Variants in FAM168A observed in about 807,000 individuals in gnomAD.
FAM168A encodes the protein protein FAM168A.
FAM168A carries 3 observed loss-of-function variants against 28.5 expected under a neutral mutation model. The observed-to-expected ratio is 0.11, with a 90% CI of 0.05 to 0.27. FAM168A has a LOEUF of 0.27. Among genes scored for constraint, FAM168A ranks in the 10% least tolerant of loss-of-function variants. FAM168A has a pLI of 1.00. For synonymous variants in FAM168A, 122 were observed against 124.2 expected (o/e 0.98, Z 0.12); for missense variants, 222 against 311.5 (o/e 0.71, Z 2.16).
At chr11:73,543,622 A>C (rs1943685702) in intron 1 of FAM168A, among the ~76,000 whole-genome samples, 1 of 152,174 alleles carries the variant, frequency 6.6e-6, no homozygotes, top group Non-Finnish European at 1.5e-5. Flanking sequence ...AACAGACTGA[A>C]TATTCTTTGA....
intron 2 of FAM168A, among the ~76,000 whole-genome samples, chr11:73,447,046 A>G (rs1385778447): frequency 6.6e-6 from 1 of 152,086 alleles, no homozygotes; most frequent in Non-Finnish European, 1.5e-5. Context: ...ACAACAACAT[A>G]CAGCTGTTCT....
chr11:73,539,645 C>T (rs1000283861), intron 1 of FAM168A, among the ~76,000 whole-genome samples: 1 of 152,212 alleles, frequency 6.6e-6, no homozygotes, highest in Non-Finnish European at 1.5e-5. Flanking sequence ...TTACCTCTAC[C>T]TGTCCATCAG....
intron 2 of FAM168A, among the ~76,000 whole-genome samples, chr11:73,445,419 CTTTTTTTTTTTTTTTT>C (rs56294455): frequency 7.9e-5 from 4 of 50,434 alleles, no homozygotes; most frequent in Admixed American, 3.2e-4. Context: ...AAAAATGTCT[CTTTTTTTTTTTTTTTT>C]TTTTTTTTTT....
intron 1 of FAM168A, among the ~76,000 whole-genome samples, chr11:73,478,697 T>C (rs1867926442): frequency 6.6e-6 from 1 of 152,176 alleles, no homozygotes; most frequent in Non-Finnish European, 1.5e-5. Context: ...GTCATTTACT[T>C]CAGCACACTC....
At chr11:73,529,806 T>C (rs1170861205) in intron 1 of FAM168A, among the ~76,000 whole-genome samples, 3 of 149,822 alleles carry the variant, frequency 2.0e-5, no homozygotes, top group Non-Finnish European at 3.0e-5. Context: ...CTTTTTTTTT[T>C]TTTTTTGGAG....
At chr11:73,554,754 A>G (rs972130653) in intron 1 of FAM168A, among the ~76,000 whole-genome samples, 3 of 152,264 alleles carry the variant, frequency 2.0e-5, no homozygotes, top group African/African-American at 7.2e-5. Context: ...GCAAGGGTGA[A>G]ATACAATGGG....
At chr11:73,529,248 A>C (rs1031225845) in intron 1 of FAM168A, among the ~76,000 whole-genome samples, 4 of 152,146 alleles carry the variant, frequency 2.6e-5, no homozygotes, top group African/African-American at 9.7e-5. Flanking sequence ...ATAAGCTGGG[A>C]GAAAGGAAGG....
rs746774463 is a variant in FAM168A at position 73,409,605 on chromosome 11, G to A, written c.477C>T (p.Thr159=). ...YAAQPHVIHH[T]TVVQPNSIPS... is the part of the protein sequence containing the mutation. Reference sequence around the variant, plus strand: ...GAATGCTGTTGGGCTGGACGACCGTGGTATGGTGGATGACATGAGGCTGGG... The same window carrying A: ...GAATGCTGTTGGGCTGGACGACCGTAGTATGGTGGATGACATGAGGCTGGG... Residue 159 remains threonine (T), a synonymous_variant, in exon 6 of 8, where the codon ACC becomes ACT. Coordinates refer to ENST00000356467, the MANE Select transcript of FAM168A (RefSeq NM_015159.3). 2 of 1,613,862 alleles carry A rather than the reference G, an allele frequency of 1.2e-6. No individual in the cohort carries two copies. The highest frequency in any genetic ancestry group is 2.2e-5 in the South Asian group (2 of 91,000).
chr11:73,443,630 G>C (rs1225144957), intron 2 of FAM168A, among the ~76,000 whole-genome samples: 3 of 152,168 alleles, frequency 2.0e-5, no homozygotes, highest in Non-Finnish European at 2.9e-5. Context: ...CTGACAGCAG[G>C]TGTCAAACTG....
intron 2 of FAM168A, among the ~76,000 whole-genome samples, chr11:73,432,122 G>A (rs1380106836): frequency 6.6e-6 from 1 of 152,068 alleles, no homozygotes; most frequent in Non-Finnish European, 1.5e-5. Context: ...CTTCTTTATG[G>A]CTGAATAATA....
intron 1 of FAM168A, among the ~76,000 whole-genome samples, chr11:73,540,986 C>T (rs1419312296): frequency 6.6e-6 from 1 of 152,076 alleles, no homozygotes; most frequent in Non-Finnish European, 1.5e-5. Context: ...AGGAGAATCA[C>T]CTGAGGCCAG....
chr11:73,494,147 T>G (rs1199110590), intron 1 of FAM168A, among the ~76,000 whole-genome samples: 1 of 152,132 alleles, frequency 6.6e-6, no homozygotes, highest in Non-Finnish European at 1.5e-5. Context: ...CATATACATG[T>G]ACATGTATGA....
At chr11:73,430,578 G>A in intron 3 of FAM168A, 112 bp downstream of exon 3, 1 of 977,588 alleles carries the variant, frequency 1.0e-6, no homozygotes, top group East Asian at 2.5e-5. Flanking sequence ...GCCTGGAGAG[G>A]CTGCGCCCGG....
At chr11:73,518,763 C>T (rs999856453) in intron 1 of FAM168A, among the ~76,000 whole-genome samples, 4 of 151,930 alleles carry the variant, frequency 2.6e-5, no homozygotes, top group East Asian at 1.9e-4. Flanking sequence ...TGGGCGTGGT[C>T]GTGCGCACCT....
chr11:73,525,171 G>C, intron 1 of FAM168A, among the ~76,000 whole-genome samples: 1 of 151,918 alleles, frequency 6.6e-6, no homozygotes, highest in Admixed American at 6.5e-5. Context: ...CATGCTAGAC[G>C]TTTTTCTCAA....
At chr11:73,544,957 A>ATGTAATATATAT in intron 1 of FAM168A, among the ~76,000 whole-genome samples, 1 of 92,410 alleles carries the variant, frequency 1.1e-5, no homozygotes. Context: ...ATAATATATT[A>ATGTAATATATAT]TATATAATAT....
intron 1 of FAM168A, among the ~76,000 whole-genome samples, chr11:73,513,215 T>A (rs1458568656): frequency 7.0e-6 from 1 of 143,684 alleles, no homozygotes; most frequent in East Asian, 2.0e-4. Context: ...ATTTTTTTTT[T>A]TTTTTTTTTT....
intron 1 of FAM168A, among the ~76,000 whole-genome samples, chr11:73,592,568 T>C (rs1014977328): frequency 1.3e-5 from 2 of 152,010 alleles, no homozygotes; most frequent in Non-Finnish European, 2.9e-5. Context: ...GCCTGTGAGT[T>C]TTACATTCTT....
At chr11:73,583,459 G>A (rs1310260483) in intron 1 of FAM168A, among the ~76,000 whole-genome samples, 2 of 152,160 alleles carry the variant, frequency 1.3e-5, no homozygotes, top group Non-Finnish European at 2.9e-5. Context: ...CCCAAGATGG[G>A]CTCTGAGAAT....
Sources: gnomAD v4.1 joint callset for allele counts (sites outside exome capture counted in the v4.1 genomes callset) on GRCh38, gnomAD v4.1.1 for gene constraint, MANE v1.5 for transcripts, NCBI Gene and HGNC (gene_info 2026-07-23, HGNC 2026-07-21) for gene names.